Variants in SOX5 observed in about 807,000 individuals in gnomAD.
SOX5 encodes SRY-box transcription factor 5.
SOX5 carries 9 observed loss-of-function variants against 92.0 expected under a neutral mutation model. The ratio of observed to expected loss-of-function variants is 0.10; its 90% confidence interval spans 0.06 to 0.17. The LOEUF (loss-of-function observed/expected upper bound fraction) is 0.17, where lower values mean the gene tolerates loss of function less well. Ranked by LOEUF, SOX5 falls within the 10% of genes least tolerant of loss-of-function variation. The pLI is 1.00. For synonymous variants in SOX5, 344 were observed against 336.3 expected, an observed-to-expected ratio of 1.02 and a Z score of -0.25; for missense variants, 642 against 944.5, an observed-to-expected ratio of 0.68 and a Z score of 4.20.
At chr12:24,006,760 TA>T (rs113395495) in intron 4 of SOX5, among the ~76,000 whole-genome samples, 3 of 151,422 alleles carry the variant, frequency 2.0e-5, no homozygotes, top group Non-Finnish European at 2.9e-5. Context: ...ATGGCTGTTT[TA>T]AAAAAAAATC....
At chr12:24,439,655 G>A (rs1940125748) in intron 1 of SOX5, among the ~76,000 whole-genome samples, 1 of 152,200 alleles carries the variant, frequency 6.6e-6, no homozygotes, top group African/African-American at 2.4e-5. Context: ...AGCACTTTGG[G>A]AGGCCAACGC....
intron 4 of SOX5, among the ~76,000 whole-genome samples, chr12:24,010,136 T>G (rs771378240): frequency 2.6e-5 from 4 of 152,228 alleles, no homozygotes; most frequent in African/African-American, 7.2e-5. Flanking sequence ...GAAAATGTAC[T>G]GAATAACTAC....
intron 3 of SOX5, among the ~76,000 whole-genome samples, chr12:23,817,280 T>C (rs1201887826): frequency 2.0e-5 from 3 of 152,220 alleles, no homozygotes; most frequent in African/African-American, 7.2e-5. Flanking sequence ...TTGACTCAAC[T>C]TTCCAAGCAT....
At chr12:23,686,674 A>C (rs1191109659) in intron 6 of SOX5, among the ~76,000 whole-genome samples, 1 of 152,146 alleles carries the variant, frequency 6.6e-6, no homozygotes, top group Non-Finnish European at 1.5e-5. Context: ...TGCAGTAATT[A>C]CCTGTTCAGT....
intron 1 of SOX5, among the ~76,000 whole-genome samples, chr12:24,521,875 A>G (rs1295694208): frequency 1.3e-5 from 2 of 152,090 alleles, no homozygotes; most frequent in Non-Finnish European, 2.9e-5. Context: ...TCCCAAATAA[A>G]CAATCTAATT....
chr12:24,041,295 G>A (rs1956501138), intron 4 of SOX5, among the ~76,000 whole-genome samples: 1 of 152,046 alleles, frequency 6.6e-6, no homozygotes, highest in Non-Finnish European at 1.5e-5. Flanking sequence ...TATTCATATA[G>A]TTTCAGTGTC....
chr12:24,160,364 A>G (rs897644730), intron 4 of SOX5, among the ~76,000 whole-genome samples: 1 of 152,054 alleles, frequency 6.6e-6, no homozygotes, highest in Non-Finnish European at 1.5e-5. Flanking sequence ...CTAAAAGAAG[A>G]ATGGCCTAGT....
At chr12:24,051,950 T>C (rs895081569) in intron 4 of SOX5, among the ~76,000 whole-genome samples, 1 of 152,092 alleles carries the variant, frequency 6.6e-6, no homozygotes, top group Non-Finnish European at 1.5e-5. Flanking sequence ...ATCCATTTAA[T>C]TTCCAAGTCC....
At chr12:24,016,745 C>T (rs570071886) in intron 4 of SOX5, among the ~76,000 whole-genome samples, 2 of 152,142 alleles carry the variant, frequency 1.3e-5, no homozygotes, top group South Asian at 2.1e-4. Context: ...GACTACCAAC[C>T]TTTTCCAAAG....
chr12:24,476,995 C>CAAAAAAAAA, intron 1 of SOX5, among the ~76,000 whole-genome samples: 1 of 53,636 alleles, frequency 1.9e-5, no homozygotes, highest in Non-Finnish European at 3.5e-5. Flanking sequence ...AGACCCCTCT[C>CAAAAAAAAA]AAAAAAAAAA....
intron 1 of SOX5, among the ~76,000 whole-genome samples, chr12:23,900,886 G>A (rs1000197586): frequency 1.3e-5 from 2 of 152,064 alleles, no homozygotes; most frequent in African/African-American, 4.8e-5. Flanking sequence ...CTTGAACCTG[G>A]GAAGCGGAGG....
At chr12:24,347,305 T>C (rs1451077755) in intron 2 of SOX5, among the ~76,000 whole-genome samples, 2 of 152,218 alleles carry the variant, frequency 1.3e-5, no homozygotes, top group African/African-American at 4.8e-5. Flanking sequence ...TACCATTTTA[T>C]ATCAAGGACC....
At position 24,228,188 on chromosome 12, in the gene SOX5, AC is replaced by A. The variant is rs1806615764; in HGVS notation, c.-76-14772del. 2.0e-5 allele frequency among the ~76,000 whole-genome samples: 3 copies of A among 152,272 alleles called. No individual in the cohort carries two copies. In the South Asian group the frequency reaches 6.2e-4, roughly 32 times the overall value. On this transcript the variant is annotated intron_variant, in intron 3 of 4. Transcript: ENST00000446891. ...GAAGATATTTTGTATGCCACAGAAA[AC>A]CAAGATGTTTGCATTCCCACCAATC...
intron 4 of SOX5, among the ~76,000 whole-genome samples, chr12:24,015,094 G>GTCTC (rs371463807): frequency 4.6e-5 from 7 of 150,868 alleles, no homozygotes; most frequent in Admixed American, 1.3e-4. Context: ...TTCTCTTTCT[G>GTCTC]TCTCTCTCTC....
At chr12:24,303,213 A>G (rs932193890) in intron 2 of SOX5, among the ~76,000 whole-genome samples, 13 of 152,230 alleles carry the variant, frequency 8.5e-5, no homozygotes, top group African/African-American at 3.1e-4. Context: ...AATTTTTAAA[A>G]TATCATTAAA....
intron 1 of SOX5, among the ~76,000 whole-genome samples, chr12:23,937,817 T>C (rs1204147841): frequency 6.6e-6 from 1 of 150,982 alleles, no homozygotes; most frequent in Non-Finnish European, 1.5e-5. Context: ...AATCATTGGT[T>C]ATACATGCAT....
chr12:24,103,421 C>T (rs1207749081), intron 4 of SOX5, among the ~76,000 whole-genome samples: 6 of 151,630 alleles, frequency 4.0e-5, no homozygotes, highest in South Asian at 4.2e-4. Flanking sequence ...ATGATGCAAT[C>T]GTAGCTCACT....
At chr12:23,883,416 G>A (rs1412539938) in intron 2 of SOX5, among the ~76,000 whole-genome samples, 2 of 152,092 alleles carry the variant, frequency 1.3e-5, no homozygotes, top group African/African-American at 4.8e-5. Context: ...AGAAAATACA[G>A]TCTTTTGTTC....
chr12:24,012,196 G>A (rs1390692174), intron 4 of SOX5, among the ~76,000 whole-genome samples: 1 of 152,150 alleles, frequency 6.6e-6, no homozygotes, highest in Non-Finnish European at 1.5e-5. Context: ...CGGACAAGTG[G>A]TTGTTTATTT....
Sources: allele counts gnomAD v4.1 joint callset (sites outside exome capture counted in the v4.1 genomes callset), GRCh38; gene constraint gnomAD v4.1.1; transcripts MANE v1.5; gene names NCBI Gene and HGNC (gene_info 2026-07-23, HGNC 2026-07-21).